The following ZNF521 variants were observed in gnomAD, a reference collection of about 807,000 sequenced individuals.
The protein encoded by ZNF521 is LYST-interacting protein 3.
A neutral mutation model predicts 105.5 loss-of-function variants in ZNF521; 14 were observed. The observed-to-expected ratio is 0.13, with a 90% CI of 0.09 to 0.21. The LOEUF is 0.21. ZNF521 is among the 10% of genes least tolerant of loss of function. The probability of loss-of-function intolerance (pLI) is 1.00; values close to 1 mark genes in which losing one functional copy is unlikely to be tolerated. For missense variants in ZNF521, 1,233 were observed against 1,629.7 expected, an observed-to-expected ratio of 0.76 and a Z score of 4.19; for synonymous variants, 635 against 606.0, an observed-to-expected ratio of 1.05 and a Z score of -0.70.
chr18:25,091,312 CA>C (rs2144215665), intron 6 of ZNF521, among the ~76,000 whole-genome samples: 1 of 152,170 alleles, frequency 6.6e-6, no homozygotes, highest in Admixed American at 6.5e-5. Flanking sequence ...CCATGGGCTT[CA>C]AATGAGAGTT....
At chr18:25,086,275 C>T (rs2033620783) in intron 7 of ZNF521, among the ~76,000 whole-genome samples, 1 of 151,960 alleles carries the variant, frequency 6.6e-6, no homozygotes, top group Non-Finnish European at 1.5e-5. Context: ...GGTTTTTGTA[C>T]ACTTACCATC....
chr18:25,101,344 A>C (rs1407106803), intron 5 of ZNF521, among the ~76,000 whole-genome samples: 1 of 152,118 alleles, frequency 6.6e-6, no homozygotes, highest in Non-Finnish European at 1.5e-5. Context: ...GGTATCCTAG[A>C]ATCAATCCCC....
intron 5 of ZNF521, among the ~76,000 whole-genome samples, chr18:25,159,716 C>A (rs1049082544): frequency 6.6e-6 from 1 of 152,088 alleles, no homozygotes; most frequent in South Asian, 2.1e-4. Flanking sequence ...AATAAGGGGG[C>A]CACTTCACTG....
intron 1 of ZNF521, 45 bp downstream of exon 1, chr18:25,351,957 CAGG>C (rs986987900): frequency 1.2e-4 from 39 of 336,452 alleles, no homozygotes; most frequent in East Asian, 3.5e-4. Flanking sequence ...GAGCCGGGAG[CAGG>C]AGGAGGAGAA....
At chr18:25,230,020 C>T (rs1224283169) in intron 3 of ZNF521, among the ~76,000 whole-genome samples, 1 of 152,146 alleles carries the variant, frequency 6.6e-6, no homozygotes, top group Non-Finnish European at 1.5e-5. Flanking sequence ...GTGGTCCATG[C>T]CTGACTATAT....
chr18:25,184,196 A>C (rs991783030), intron 5 of ZNF521, among the ~76,000 whole-genome samples: 19 of 152,158 alleles, frequency 1.2e-4, no homozygotes, highest in African/African-American at 3.9e-4. Flanking sequence ...TTTTAAAAAA[A>C]GTGTGAATAT....
chr18:25,112,196 A>G (rs2034204819), intron 5 of ZNF521, among the ~76,000 whole-genome samples: 1 of 152,238 alleles, frequency 6.6e-6, no homozygotes, highest in African/African-American at 2.4e-5. Context: ...CTGCATACAT[A>G]CATACAAATA....
At position 25,062,561 on chromosome 18, in the gene ZNF521, T is replaced by C. The variant is rs1280155029; in HGVS notation, c.*151A>G. ...TCCGGTGCGCAAAAGTTCAAACACA[T>C]GAACATCCAACAGTTTGATAATACA... On this transcript the variant is annotated 3_prime_UTR_variant, in exon 8 of 8. Coordinates refer to ENST00000361524, the MANE Select transcript of ZNF521 (RefSeq NM_015461.3). 1 of 1,085,016 alleles carries C rather than the reference T, an allele frequency of 9.2e-7. No homozygotes were observed. The highest frequency in any genetic ancestry group is 1.3e-6 in the Non-Finnish European group (1 of 743,976). The allele number at this position is 1,085,016 out of a possible 1,614,324, so 67.2% of individuals were successfully genotyped here.
In ZNF521 at chr18:25,199,048, C is replaced by A. The variant is rs941598284; in HGVS notation, c.3574-3804G>T. 3.3e-5 allele frequency among the ~76,000 whole-genome samples: 5 copies of A among 151,858 alleles called. No individual in the cohort carries two copies. The East Asian group carries it at 9.6e-4, about 29-fold the overall frequency. ...GAGTTGCAATATGAAGTATACATCACCAATATAGTATCTTATCTAAAATGT... is the reference window on the plus strand; with the variant it reads ...GAGTTGCAATATGAAGTATACATCAACAATATAGTATCTTATCTAAAATGT... On this transcript the variant is annotated intron_variant, in intron 4 of 7. Transcript: ENST00000361524.
intron 5 of ZNF521, among the ~76,000 whole-genome samples, chr18:25,119,916 C>A (rs1001878478): frequency 2.0e-5 from 3 of 152,028 alleles, no homozygotes; most frequent in African/African-American, 7.2e-5. Flanking sequence ...GCAGAATTGA[C>A]AAACTTAGCT....
chr18:25,268,893 A>C (rs1448206763), intron 3 of ZNF521, among the ~76,000 whole-genome samples: 1 of 152,206 alleles, frequency 6.6e-6, no homozygotes, highest in African/African-American at 2.4e-5. Flanking sequence ...ATAACCAGTT[A>C]GCATCATAAT....
chr18:25,103,293 A>G (rs899180409), intron 5 of ZNF521, among the ~76,000 whole-genome samples: 3 of 152,246 alleles, frequency 2.0e-5, no homozygotes, highest in African/African-American at 7.2e-5. Context: ...CAATAACCCA[A>G]TGATTTGCTT....
rs1313210111 is a variant in ZNF521 at position 25,065,580 on chromosome 18, T to C, written c.3907-2839A>G. On this transcript the variant is annotated intron_variant, in intron 7 of 7. Coordinates refer to ENST00000361524, the MANE Select transcript of ZNF521 (RefSeq NM_015461.3). ...TAAAAAAGGAATACTCAACCTGTAT[T>C]TACCTAAATGATAGGACTCTGACAG... 3.3e-5 allele frequency among the ~76,000 whole-genome samples: 5 copies of C among 152,094 alleles called. No homozygotes were observed. The East Asian group carries it at 7.7e-4, about 23-fold the overall frequency.
intron 5 of ZNF521, among the ~76,000 whole-genome samples, chr18:25,129,918 A>G (rs1370843243): frequency 6.6e-6 from 1 of 152,184 alleles, no homozygotes; most frequent in Non-Finnish European, 1.5e-5. Context: ...TCACTGAAAG[A>G]CAGTTTGGAG....
chr18:25,096,282 A>G (rs2033849881), intron 5 of ZNF521, among the ~76,000 whole-genome samples: 1 of 152,276 alleles, frequency 6.6e-6, no homozygotes, highest in Admixed American at 6.5e-5. Flanking sequence ...TCACTTACAA[A>G]ATTTTGTGCT....
chr18:25,097,380 C>A (rs2033874703), intron 5 of ZNF521, among the ~76,000 whole-genome samples: 1 of 152,100 alleles, frequency 6.6e-6, no homozygotes, highest in Admixed American at 6.5e-5. Flanking sequence ...GTCATTAAGC[C>A]CCCAAAGTAA....
intron 5 of ZNF521, among the ~76,000 whole-genome samples, chr18:25,140,388 T>A (rs576809504): frequency 1.3e-5 from 2 of 152,170 alleles, no homozygotes; most frequent in East Asian, 3.8e-4. Flanking sequence ...AACTTTTTGA[T>A]TGGGGATGAC....
chr18:25,340,810 C>G (rs1030060419), intron 2 of ZNF521, among the ~76,000 whole-genome samples: 1 of 152,136 alleles, frequency 6.6e-6, no homozygotes, highest in Non-Finnish European at 1.5e-5. Flanking sequence ...GATAAAAAGC[C>G]ACCATAGAGG....
chr18:25,159,660 T>G (rs530236517), intron 5 of ZNF521, among the ~76,000 whole-genome samples: 1 of 152,312 alleles, frequency 6.6e-6, no homozygotes, highest in African/African-American at 2.4e-5. Flanking sequence ...ACACAGTTAA[T>G]ACTTGGGAGA....
Sources: allele counts gnomAD v4.1 joint callset (sites outside exome capture counted in the v4.1 genomes callset), GRCh38; gene constraint gnomAD v4.1.1; transcripts MANE v1.5; gene names NCBI Gene and HGNC (gene_info 2026-07-23, HGNC 2026-07-21).